CD109: variants seen among roughly 807,000 people sequenced by gnomAD.
The protein encoded by CD109 is CD109 antigen.
A neutral mutation model predicts 165.8 loss-of-function variants in CD109; 149 were observed. The observed-to-expected ratio is 0.90, with a 90% CI of 0.79 to 1.03. The LOEUF (loss-of-function observed/expected upper bound fraction) is 1.03. Among genes scored for constraint, CD109 ranks in the 50% least tolerant of loss-of-function variants. CD109 has a pLI of 0.00. For synonymous variants in CD109, 585 were observed against 592.1 expected (o/e 0.99, Z 0.18); for missense variants, 1,712 against 1,677.8 (o/e 1.02, Z -0.36).
the CD109 span, among the ~76,000 whole-genome samples, chr6:73,688,094 A>G: frequency 6.6e-6 from 1 of 152,230 alleles, no homozygotes; most frequent in African/African-American, 2.4e-5. Flanking sequence ...AATTAAAATC[A>G]TGCACTAGAA....
At chr6:73,690,744 G>A in the CD109 span, among the ~76,000 whole-genome samples, 108 of 152,208 alleles carry the variant, frequency 7.1e-4, no homozygotes, top group African/African-American at 2.4e-3. Flanking sequence ...TAAAACATGA[G>A]GAAATGCTTA....
intron 2 of CD109, among the ~76,000 whole-genome samples, chr6:73,700,829 T>C (rs1174028711): frequency 8.1e-6 from 1 of 124,192 alleles, no homozygotes; most frequent in Non-Finnish European, 1.6e-5. Flanking sequence ...TGAGACACAG[T>C]CTCACTCTGT....
Position 73,735,295 on chromosome 6 carries a change from C to T in CD109, c.508-1088C>T, listed in dbSNP as rs116732735. Reference sequence around the variant, plus strand: ...TTAGGGACTATAAAAAGTGTATAGCCACTGCTTTTTATATGCCAGGGACTG... The same window carrying T: ...TTAGGGACTATAAAAAGTGTATAGCTACTGCTTTTTATATGCCAGGGACTG... On this transcript the variant is annotated intron_variant, in intron 4 of 32. Coordinates refer to ENST00000287097, the MANE Select transcript of CD109 (RefSeq NM_133493.5). Among the ~76,000 whole-genome samples the T allele has an allele frequency of 2.4e-3, 370 of 152,188 alleles. 2 individuals carry two copies. Among genetic ancestry groups the T allele is most frequent in the African/African-American group, 8.6e-3 (355 of 41,514 alleles).
At chr6:73,820,669 T>C (rs1230297093) in intron 32 of CD109, 106 bp downstream of exon 32, 2 of 596,516 alleles carry the variant, frequency 3.4e-6, no homozygotes, top group East Asian at 3.1e-5. Flanking sequence ...AGGGCAGGAT[T>C]TGGTAGGAGA....
intron 23 of CD109, among the ~76,000 whole-genome samples, chr6:73,793,967 G>A (rs1046841050): frequency 1.3e-5 from 2 of 152,288 alleles, no homozygotes; most frequent in East Asian, 3.9e-4. Flanking sequence ...TAAATGAAAA[G>A]TAGGGGCAAG....
chr6:73,782,108 T>C (rs1294434560), intron 17 of CD109, among the ~76,000 whole-genome samples: 1 of 152,206 alleles, frequency 6.6e-6, no homozygotes, highest in Non-Finnish European at 1.5e-5. Context: ...CCTGTTTCTG[T>C]CAGGTATTCT....
intron 2 of CD109, among the ~76,000 whole-genome samples, chr6:73,705,902 A>C (rs1252007661): frequency 1.3e-5 from 2 of 152,192 alleles, no homozygotes; most frequent in East Asian, 3.8e-4. Flanking sequence ...TATTCTTTCC[A>C]GAAGTTTGGT....
intron 5 of CD109, among the ~76,000 whole-genome samples, chr6:73,739,662 T>C (rs1469492669): frequency 2.0e-5 from 3 of 151,888 alleles, no homozygotes. Context: ...TCTTGGCTAA[T>C]ACAGTGAAAC....
At chr6:73,781,217 T>C in intron 16 of CD109, 42 bp from the exon 17 acceptor site, 1 of 1,535,508 alleles carries the variant, frequency 6.5e-7, no homozygotes, top group Non-Finnish European at 9.0e-7. Flanking sequence ...AGTGAGCATT[T>C]AAACTTGTGT....
rs1328818911 is a variant in CD109 at position 73,725,534 on chromosome 6, G to A, written c.276+2255G>A. ...TTTTTTTTTTTTTTTTTGAGACAGA[G>A]TTTCTCTCTTGTTGCCCAGGCTGGA... is the stretch of plus-strand genomic sequence containing the variant. On this transcript the variant is annotated intron_variant, in intron 3 of 32. Coordinates refer to ENST00000287097, the MANE Select transcript of CD109 (RefSeq NM_133493.5). Among the ~76,000 whole-genome samples the A allele has an allele frequency of 1.1e-4, 10 of 93,150 alleles. No homozygotes were observed. In the East Asian group the frequency reaches 3.1e-3, roughly 29 times the overall value. 61.1% of individuals were successfully genotyped at this position (93,150 alleles called of 152,430 possible). A position where few individuals can be genotyped will look rare whatever the true frequency, so the allele number is the denominator to read the frequency against.
At position 73,696,237 on chromosome 6, in the gene CD109, A is replaced by ACCG. The variant is rs1316529421; in HGVS notation, c.28_30dup (p.Ala10dup). ...CGAGATGCAGGGCCCACCGCTCCTG[A>ACCG]CCGCCGCCCACCTCCTCTGCGTGTG... On this transcript the variant is annotated inframe_insertion, in exon 1 of 33. Coordinates refer to ENST00000287097, the MANE Select transcript of CD109 (RefSeq NM_133493.5). 6.5e-7 allele frequency: 1 copy of ACCG among 1,543,034 alleles called. No homozygotes were observed. The highest frequency in any genetic ancestry group is 8.7e-7 in the Non-Finnish European group (1 of 1,149,104).
At chr6:73,802,423 G>C (rs1775401507) in intron 23 of CD109, among the ~76,000 whole-genome samples, 1 of 148,224 alleles carries the variant, frequency 6.7e-6, no homozygotes, top group Admixed American at 6.8e-5. Context: ...CACCGTTTTA[G>C]ATTATTTTGC....
chr6:73,702,483 C>T (rs529863656), intron 2 of CD109, among the ~76,000 whole-genome samples: 2 of 152,324 alleles, frequency 1.3e-5, no homozygotes, highest in East Asian at 1.9e-4. Flanking sequence ...GCTTTGCCAA[C>T]ATAACTCAGT....
intron 4 of CD109, among the ~76,000 whole-genome samples, chr6:73,735,827 G>A (rs1268613878): frequency 6.6e-6 from 1 of 152,146 alleles, no homozygotes; most frequent in Admixed American, 6.5e-5. Context: ...TGTCCTAAAG[G>A]AGAATTGTAA....
intron 23 of CD109, among the ~76,000 whole-genome samples, chr6:73,798,063 AGTT>A (rs1463393365): frequency 6.7e-6 from 1 of 150,306 alleles, no homozygotes; most frequent in African/African-American, 2.4e-5. Context: ...TGGAAGGCTG[AGTT>A]GTTGTATTAA....
intron 2 of CD109, among the ~76,000 whole-genome samples, chr6:73,716,423 A>G (rs1771747716): frequency 6.6e-6 from 1 of 152,192 alleles, no homozygotes; most frequent in Non-Finnish European, 1.5e-5. Context: ...CCTTTCCTCC[A>G]CATCCTCATC....
At chr6:73,791,190 T>C (rs7749734) in intron 22 of CD109, among the ~76,000 whole-genome samples, 292 of 13,504 alleles carry the variant, frequency 0.022, 3 homozygotes, top group Non-Finnish European at 0.036. Flanking sequence ...CACACACACA[T>C]ACATATATAT....
chr6:73,767,892 T>G (rs1207450123), intron 13 of CD109, among the ~76,000 whole-genome samples, 163 bp from the exon 14 acceptor site: 2 of 152,242 alleles, frequency 1.3e-5, no homozygotes, highest in Non-Finnish European at 2.9e-5. Context: ...TCTCAGTGTA[T>G]GCTCTCTGTG....
rs369291804 is a variant in CD109 at position 73,756,632 on chromosome 6, C to G, written c.634-11C>G. On this transcript the variant is annotated splice_polypyrimidine_tract_variant and intron_variant, in intron 5 of 32. Transcript: ENST00000287097. ...TACTTTCCTGTCTTTTTTTTCTCCC[C>G]TGCCCAATAGGACCAGACATACTAT... 80 of 1,533,240 alleles carry G rather than the reference C, an allele frequency of 5.2e-5. No homozygotes were observed. The highest frequency in any genetic ancestry group is 3.4e-4 in the Middle Eastern group (2 of 5,932). The allele number at this position is 1,533,240 out of a possible 1,614,324, so 95.0% of individuals were successfully genotyped here.
Sources: gnomAD v4.1 joint callset for allele counts (sites outside exome capture counted in the v4.1 genomes callset) on GRCh38, gnomAD v4.1.1 for gene constraint, MANE v1.5 for transcripts, NCBI Gene and HGNC (gene_info 2026-07-23, HGNC 2026-07-21) for gene names.